CHD4: variants seen among roughly 807,000 people sequenced by gnomAD.
CHD4 encodes the protein ATP-dependent chromatin remodeler CHD4.
CHD4 carries 35 observed loss-of-function variants against 235.5 expected under a neutral mutation model. The ratio of observed to expected loss-of-function variants is 0.15; its 90% CI spans 0.11 to 0.20. The LOEUF (loss-of-function observed/expected upper bound fraction) is 0.20, where lower values mean the gene tolerates loss of function less well. Among genes scored for constraint, CHD4 ranks in the 10% least tolerant of loss-of-function variants. The probability of loss-of-function intolerance (pLI) is 1.00; values close to 1 mark genes in which losing one functional copy is unlikely to be tolerated. For synonymous variants in CHD4, 900 were observed against 850.2 expected (o/e 1.06, Z -1.02); for missense variants, 1,329 against 2,432.3 (o/e 0.55, Z 9.54).
chr12:6,584,668 G>A (rs1486373570), intron 25 of CHD4: 2 of 152,202 alleles, frequency 1.3e-5, no homozygotes, highest in Non-Finnish European at 2.9e-5. Context: ...CTAGGCATGA[G>A]CCACCGTGTC....
chr12:6,600,180 C>A (rs1323336092), intron 9 of CHD4, 37 bp downstream of exon 9: 1 of 1,608,536 alleles, frequency 6.2e-7, no homozygotes, highest in East Asian at 2.2e-5. Flanking sequence ...CCCTTCTTCT[C>A]ATGGGTTCCA....
chr12:6,575,940 G>A (rs1183899545), intron 37 of CHD4, among the ~76,000 whole-genome samples: 1 of 151,874 alleles, frequency 6.6e-6, no homozygotes, highest in Non-Finnish European at 1.5e-5. Context: ...ATACCCTTCT[G>A]TTTCTACCAA....
At chr12:6,594,373 A>T in intron 15 of CHD4, 86 bp downstream of exon 15, 3 of 1,299,220 alleles carry the variant, frequency 2.3e-6, no homozygotes, top group Non-Finnish European at 2.1e-6. Flanking sequence ...CAATTTTTTT[A>T]TTCCCTTATC....
At chr12:6,594,287 C>A (rs1380075789) in intron 15 of CHD4, among the ~76,000 whole-genome samples, 172 bp downstream of exon 15, 1 of 152,190 alleles carries the variant, frequency 6.6e-6, no homozygotes, top group African/African-American at 2.4e-5. Context: ...TCCACTATCA[C>A]ATTTATCTAC....
intron 6 of CHD4, 86 bp downstream of exon 6, chr12:6,601,203 G>A (rs757499258): frequency 1.3e-6 from 2 of 1,567,572 alleles, no homozygotes; most frequent in Non-Finnish European, 1.7e-6. Context: ...TCCTACCTTA[G>A]GGCTGACAGA....
In CHD4 at chr12:6,587,720, G is replaced by C; in HGVS notation, c.3695C>G (p.Thr1232Ser). ...GTEELFKDEA[T>S]DGGGDNKEGE... Reference sequence around the variant, plus strand: ...GTTCCTGACTACCTCACCTCCATCAGTGGCTTCATCCTTGAATAGTTCCTC... The same window carrying C: ...GTTCCTGACTACCTCACCTCCATCACTGGCTTCATCCTTGAATAGTTCCTC... The change falls in exon 24 of 40, where the codon ACT (threonine) becomes AGT (serine). Residue 1232 changes from threonine (T) to serine (S), a missense_variant. This residue lies in a region of CHD4 where 21 missense variants were observed against 53.5 expected (regional missense o/e 0.39). Transcript: ENST00000544040. 6.2e-7 allele frequency: 1 copy of C among 1,614,068 alleles called. No homozygotes were observed. Among genetic ancestry groups the C allele is most frequent in the Non-Finnish European group, 8.5e-7 (1 of 1,179,948 alleles).
chr12:6,595,788 C>CAA (rs141382153), intron 13 of CHD4, among the ~76,000 whole-genome samples: 68 of 82,494 alleles, frequency 8.2e-4, no homozygotes, highest in South Asian at 3.0e-3. Flanking sequence ...GACTTCGTCT[C>CAA]AAAAAAAAAA....
chr12:6,578,226 C>A (rs1948105831), intron 35 of CHD4, 89 bp from the exon 36 acceptor site: 7 of 1,356,408 alleles, frequency 5.2e-6, no homozygotes, highest in South Asian at 4.7e-5. Flanking sequence ...CCCCCACCAT[C>A]CCCTACCCCT....
rs781640400 is a variant in CHD4 at position 6,600,048 on chromosome 12, C to A, written c.1243-36G>T. On this transcript the variant is annotated intron_variant, in intron 9 of 39. Coordinates refer to ENST00000544040, the MANE Select transcript of CHD4 (RefSeq NM_001273.5). ...GGACCACAGATTCAGATTATTACCC[C>A]CACCCGCCCACCGCAGTCTGAAGCC... The A allele has an allele frequency of 3.1e-6, 5 of 1,604,724 alleles. No homozygotes were observed. The South Asian group carries it at 3.3e-5, about 11-fold the overall frequency.
In CHD4 at chr12:6,601,070, T is replaced by A. The variant is rs570630078; in HGVS notation, c.800-17A>T. ...CATTGGGACCTAAAATCAGGATATATCCAAATATATACCACAAGACCAAAG... is the reference window on the plus strand; with the variant it reads ...CATTGGGACCTAAAATCAGGATATAACCAAATATATACCACAAGACCAAAG... On this transcript the variant is annotated splice_polypyrimidine_tract_variant and intron_variant, in intron 6 of 39. Transcript: ENST00000544040. The A allele has an allele frequency of 6.5e-6, 10 of 1,548,830 alleles. No homozygotes were observed. The highest frequency in any genetic ancestry group is 7.8e-6 in the Non-Finnish European group (9 of 1,150,714).
intron 15 of CHD4, among the ~76,000 whole-genome samples, chr12:6,594,217 C>T (rs1948446906): frequency 6.6e-6 from 1 of 152,152 alleles, no homozygotes; most frequent in Non-Finnish European, 1.5e-5. Flanking sequence ...TCTATGGATC[C>T]ACTGCTAATC....
At chr12:6,591,121 TCA>T (rs1948389177) in intron 22 of CHD4, 1 of 38,724 alleles carries the variant, frequency 2.6e-5, no homozygotes, top group African/African-American at 1.1e-4. Flanking sequence ...AGACTCCATC[TCA>T]AAAAAAAAAA....
chr12:6,606,134 G>C, intron 2 of CHD4, 140 bp downstream of exon 2: 5 of 598,096 alleles, frequency 8.4e-6, no homozygotes, highest in Non-Finnish European at 1.5e-5. Flanking sequence ...CCGCAGAAGG[G>C]AACCACTCCC....
chr12:6,604,735 GAGA>G (rs1374193475), intron 2 of CHD4, among the ~76,000 whole-genome samples: 2 of 152,144 alleles, frequency 1.3e-5, no homozygotes, highest in African/African-American at 4.8e-5. Context: ...CTGAGATATA[GAGA>G]AGATTTAGGA....
At chr12:6,587,355 G>A (rs1948318335) in intron 25 of CHD4, 29 bp downstream of exon 25, 2 of 1,603,230 alleles carry the variant, frequency 1.2e-6, no homozygotes, top group Non-Finnish European at 1.7e-6. Flanking sequence ...CAATTACCAA[G>A]CACAGGATTG....
At chr12:6,599,349 AG>A (rs1281670750) in intron 10 of CHD4, among the ~76,000 whole-genome samples, 1 of 151,918 alleles carries the variant, frequency 6.6e-6, no homozygotes, top group African/African-American at 2.4e-5. Flanking sequence ...TTGAGATAGG[AG>A]GATCACTTGA....
intron 22 of CHD4, 22 bp downstream of exon 22, chr12:6,591,439 GAAACT>G: frequency 6.3e-7 from 1 of 1,575,868 alleles, no homozygotes; most frequent in Non-Finnish European, 8.7e-7. Flanking sequence ...GAGGATTCCT[GAAACT>G]AAACAACTCC....
intron 37 of CHD4, 111 bp downstream of exon 37, chr12:6,577,672 TAG>T: frequency 7.1e-7 from 1 of 1,411,254 alleles, no homozygotes; most frequent in Non-Finnish European, 9.7e-7. Flanking sequence ...AAGCCTTCCA[TAG>T]AATGAAGAAA....
rs568261896 is a variant in CHD4, at chr12:6,597,308, A to G, written c.1892+586T>C. Among the ~76,000 whole-genome samples the G allele has an allele frequency of 1.9e-4, 29 of 151,812 alleles. No individual in the cohort carries two copies. The South Asian group carries it at 5.6e-3, about 30-fold the overall frequency. ...ATAATAAAATAAATAAATAAAGATAATAACATGAAGTGTCAGGCGCAGTAG... is the reference window on the plus strand; with the variant it reads ...ATAATAAAATAAATAAATAAAGATAGTAACATGAAGTGTCAGGCGCAGTAG... On this transcript the variant is annotated intron_variant, in intron 12 of 39. Transcript: ENST00000544040.
Sources: allele counts gnomAD v4.1 joint callset (sites outside exome capture counted in the v4.1 genomes callset), GRCh38; gene constraint gnomAD v4.1.1; regional missense constraint gnomAD v4.1.1; transcripts MANE v1.5; gene names NCBI Gene and HGNC (gene_info 2026-07-23, HGNC 2026-07-21).